GALNTL6: variants seen among roughly 807,000 people sequenced by gnomAD.
GALNTL6 encodes polypeptide N-acetylgalactosaminyltransferase-like 6.
Under a neutral mutation model 73.7 loss-of-function variants are expected in GALNTL6, and 46 were observed. That is an observed-to-expected ratio of 0.62 (90% CI 0.49 to 0.80). The LOEUF (loss-of-function observed/expected upper bound fraction) is 0.80, where lower values mean the gene tolerates loss of function less well. Among genes scored for constraint, GALNTL6 ranks in the 30% least tolerant of loss-of-function variants. The pLI, the probability that GALNTL6 is intolerant of heterozygous loss-of-function variation, is 0.00. For missense variants in GALNTL6, 604 were observed against 755.0 expected, an observed-to-expected ratio of 0.80 and a Z score of 2.34; for synonymous variants, 259 against 263.7, an observed-to-expected ratio of 0.98 and a Z score of 0.17.
chr4:171,935,353 A>C (rs571481425), intron 2 of GALNTL6, among the ~76,000 whole-genome samples: 8 of 152,306 alleles, frequency 5.3e-5, no homozygotes, highest in African/African-American at 1.9e-4. Flanking sequence ...CATAGCAGAG[A>C]AAACCAGAGG....
intron 5 of GALNTL6, among the ~76,000 whole-genome samples, chr4:172,458,033 G>C (rs922800540): frequency 7.2e-5 from 11 of 152,070 alleles, no homozygotes; most frequent in African/African-American, 2.7e-4. Flanking sequence ...TCAGACCACA[G>C]TGCAATCAAA....
intron 7 of GALNTL6, among the ~76,000 whole-genome samples, chr4:172,815,883 C>T (rs1686440998): frequency 2.0e-5 from 3 of 152,174 alleles, no homozygotes; most frequent in African/African-American, 7.2e-5. Flanking sequence ...ATAAATGTAA[C>T]TTGCAGGAGG....
chr4:171,969,665 G>A (rs332976), intron 2 of GALNTL6, among the ~76,000 whole-genome samples: 1 of 152,142 alleles, frequency 6.6e-6, no homozygotes, highest in African/African-American at 2.4e-5. Flanking sequence ...AAAACTAGTC[G>A]TCAGCCTTGC....
rs527571816 is a variant in GALNTL6, at chr4:172,486,805, C to A, written c.553+138116C>A. On this transcript the variant is annotated intron_variant, in intron 5 of 12. Coordinates refer to ENST00000506823, the MANE Select transcript of GALNTL6 (RefSeq NM_001034845.3). ...GCATAAAAACAGATGCCCCAAAATTCCCTCTCACAACCGTTTTTACATTTA... is the reference window on the plus strand; with the variant it reads ...GCATAAAAACAGATGCCCCAAAATTACCTCTCACAACCGTTTTTACATTTA... 3.0e-4 allele frequency among the ~76,000 whole-genome samples: 46 copies of A among 152,284 alleles called. No homozygotes were observed. The South Asian group carries it at 8.9e-3, about 29-fold the overall frequency.
chr4:172,734,495 C>A (rs1015339513), intron 5 of GALNTL6, among the ~76,000 whole-genome samples: 5 of 152,172 alleles, frequency 3.3e-5, no homozygotes, highest in Admixed American at 2.6e-4. Flanking sequence ...CCATACAAAT[C>A]TGAAATCCAA....
intron 2 of GALNTL6, among the ~76,000 whole-genome samples, chr4:172,090,378 T>C (rs1732168033): frequency 6.6e-6 from 1 of 152,204 alleles, no homozygotes; most frequent in African/African-American, 2.4e-5. Context: ...TCCTGACTTT[T>C]TAATGATTGC....
rs552419407 is a variant in GALNTL6 at position 172,514,470 on chromosome 4, G to A, written c.553+165781G>A. 5.3e-5 allele frequency among the ~76,000 whole-genome samples: 8 copies of A among 152,264 alleles called. 1 individual carries two copies. The South Asian group carries it at 1.7e-3, about 32-fold the overall frequency. On this transcript the variant is annotated intron_variant, in intron 5 of 12. Coordinates refer to ENST00000506823, the MANE Select transcript of GALNTL6 (RefSeq NM_001034845.3). ...CTGAGTTTATATCCAGGCAGCCAGC[G>A]AGCAGGGCTGGGACTTTGCCGCAAG...
chr4:172,914,931 A>T (rs1025737356), intron 8 of GALNTL6, among the ~76,000 whole-genome samples: 1 of 152,188 alleles, frequency 6.6e-6, no homozygotes, highest in Non-Finnish European at 1.5e-5. Flanking sequence ...TCCACCCCAA[A>T]TCAACAGAAT....
chr4:172,436,325 G>A (rs181582462), intron 5 of GALNTL6, among the ~76,000 whole-genome samples: 160 of 152,178 alleles, frequency 1.1e-3, no homozygotes, highest in African/African-American at 3.8e-3. Flanking sequence ...CATAAGATAT[G>A]AGATAAAAGA....
At chr4:172,430,045 G>A (rs192715861) in intron 5 of GALNTL6, among the ~76,000 whole-genome samples, 1 of 151,728 alleles carries the variant, frequency 6.6e-6, no homozygotes, top group Non-Finnish European at 1.5e-5. Flanking sequence ...TAGTATGAAT[G>A]CGATTTTCTT....
intron 2 of GALNTL6, chr4:171,815,017 T>C (rs1359462498): frequency 1.0e-5 from 5 of 499,930 alleles, no homozygotes; most frequent in Non-Finnish European, 1.8e-5. Flanking sequence ...GAAAGGTAAC[T>C]GTTCAGCTAT....
intron 2 of GALNTL6, among the ~76,000 whole-genome samples, chr4:172,205,884 A>G (rs1023194147): frequency 6.6e-6 from 1 of 152,220 alleles, no homozygotes; most frequent in Non-Finnish European, 1.5e-5. Flanking sequence ...AGTAAGTTCT[A>G]TGCCTTGTTG....
chr4:172,294,945 C>T (rs1316503647), intron 3 of GALNTL6, among the ~76,000 whole-genome samples: 1 of 152,128 alleles, frequency 6.6e-6, no homozygotes, highest in Non-Finnish European at 1.5e-5. Context: ...TTATTGATTT[C>T]ATTCATAGCA....
At chr4:171,896,736 G>A (rs1006898411) in intron 2 of GALNTL6, among the ~76,000 whole-genome samples, 1 of 152,118 alleles carries the variant, frequency 6.6e-6, no homozygotes, top group African/African-American at 2.4e-5. Context: ...ACCATGACCT[G>A]GGGATTAAGA....
Position 172,569,304 on chromosome 4 carries a change from G to A in GALNTL6, c.553+220615G>A, listed in dbSNP as rs181093753. Among the ~76,000 whole-genome samples the A allele has an allele frequency of 1.1e-4, 16 of 152,154 alleles. No individual in the cohort carries two copies. The East Asian group carries it at 1.7e-3, about 17-fold the overall frequency. ...TGATGGAAAGGGCAAGGGAGCTCTC[G>A]CAGGTCTCTTTAATCTGGTCACTAA... On this transcript the variant is annotated intron_variant, in intron 5 of 12. Transcript: ENST00000506823.
At chr4:171,843,727 C>T (rs1479937710) in intron 2 of GALNTL6, among the ~76,000 whole-genome samples, 2 of 151,962 alleles carry the variant, frequency 1.3e-5, no homozygotes, top group African/African-American at 4.8e-5. Flanking sequence ...GATGAATTTA[C>T]TGCCAAAAAA....
intron 2 of GALNTL6, among the ~76,000 whole-genome samples, chr4:172,219,199 G>GTA (rs34783084): frequency 0.1 from 11,756 of 116,154 alleles, 925 homozygotes; most frequent in African/African-American, 0.19. Flanking sequence ...TTAAGCAAGT[G>GTA]TATATATATA....
At chr4:172,230,281 G>A (rs1395724735) in intron 3 of GALNTL6, among the ~76,000 whole-genome samples, 2 of 152,162 alleles carry the variant, frequency 1.3e-5, no homozygotes, top group African/African-American at 4.8e-5. Flanking sequence ...GTGTGTAGCA[G>A]AGTTCTAGAC....
chr4:172,637,227 A>T (rs1425685211), intron 5 of GALNTL6, among the ~76,000 whole-genome samples: 1 of 152,186 alleles, frequency 6.6e-6, no homozygotes, highest in Non-Finnish European at 1.5e-5. Context: ...CTTGGTTTAG[A>T]ATAATAAAAT....
Sources: gnomAD v4.1 joint callset for allele counts (sites outside exome capture counted in the v4.1 genomes callset) on GRCh38, gnomAD v4.1.1 for gene constraint, MANE v1.5 for transcripts, NCBI Gene and HGNC (gene_info 2026-07-23, HGNC 2026-07-21) for gene names.